SLC25A33: variants seen among roughly 807,000 people sequenced by gnomAD.
SLC25A33 encodes the protein bone marrow stromal cell mitochondrial carrier protein.
In SLC25A33, 15 loss-of-function variants were observed where a neutral mutation model predicts 35.5. That is an observed-to-expected ratio of 0.42 (90% CI 0.28 to 0.65). The LOEUF (loss-of-function observed/expected upper bound fraction) is 0.65, where lower values mean the gene tolerates loss of function less well. Ranked by LOEUF, SLC25A33 falls within the 30% of genes least tolerant of loss-of-function variation. The pLI is 0.20. For missense variants in SLC25A33, 257 were observed against 398.5 expected (o/e 0.64, Z 3.02); for synonymous variants, 136 against 148.7 (o/e 0.91, Z 0.62).
intron 2 of SLC25A33, among the ~76,000 whole-genome samples, chr1:9,558,141 C>T (rs1295497520): frequency 2.0e-5 from 3 of 152,162 alleles, no homozygotes; most frequent in African/African-American, 7.2e-5. Flanking sequence ...AAGTCATGTT[C>T]AATGTATATC....
At chr1:9,571,108 A>G (rs1054039573) in intron 4 of SLC25A33, among the ~76,000 whole-genome samples, 1 of 152,068 alleles carries the variant, frequency 6.6e-6, no homozygotes, top group African/African-American at 2.4e-5. Context: ...GTCCCCAACT[A>G]TGGGTTATGC....
chr1:9,547,562 G>C (rs376957462), intron 1 of SLC25A33, among the ~76,000 whole-genome samples: 2 of 152,118 alleles, frequency 1.3e-5, no homozygotes, highest in Non-Finnish European at 2.9e-5. Flanking sequence ...TTCAAATAGT[G>C]CCCATTTTAT....
intron 4 of SLC25A33, among the ~76,000 whole-genome samples, chr1:9,570,702 G>GTTTTTTTTTTTTTTTTTTTTTTTTTT: frequency 1.0e-5 from 1 of 100,064 alleles, no homozygotes; most frequent in Non-Finnish European, 1.9e-5. Flanking sequence ...GATAGATATA[G>GTTTTTTTTTTTTTTTTTTTTTTTTTT]TTTTTTTTTT....
At chr1:9,542,386 T>C (rs1212031313) in intron 1 of SLC25A33, among the ~76,000 whole-genome samples, 4 of 152,218 alleles carry the variant, frequency 2.6e-5, no homozygotes, top group Non-Finnish European at 5.9e-5. Flanking sequence ...TTTCCGTTCC[T>C]GTCTTGGCAG....
intron 2 of SLC25A33, among the ~76,000 whole-genome samples, chr1:9,557,994 C>T (rs1356093672): frequency 6.6e-6 from 1 of 152,182 alleles, no homozygotes; most frequent in African/African-American, 2.4e-5. Context: ...TAGGTGTATA[C>T]ACTTACGAAG....
intron 1 of SLC25A33, among the ~76,000 whole-genome samples, chr1:9,540,289 G>A (rs1362445211): frequency 6.6e-6 from 1 of 152,186 alleles, no homozygotes; most frequent in Non-Finnish European, 1.5e-5. Context: ...GGCCACACGC[G>A]GGGTGGCTAA....
intron 1 of SLC25A33, among the ~76,000 whole-genome samples, chr1:9,553,019 G>A (rs1643287724): frequency 6.8e-6 from 1 of 146,928 alleles, no homozygotes; most frequent in African/African-American, 2.5e-5. Flanking sequence ...AGCCTCCTGA[G>A]TAGCTGGGAT....
At position 9,582,752 on chromosome 1, in the gene SLC25A33, C is replaced by A; in HGVS notation, c.*251C>A. On this transcript the variant is annotated 3_prime_UTR_variant, in exon 7 of 7. Coordinates refer to ENST00000302692, the MANE Select transcript of SLC25A33 (RefSeq NM_032315.3). This position sits in a 1 kb window ranked among gnomAD's most constrained non-coding sequence, Gnocchi z 4.0. Reference sequence around the variant, plus strand: ...GGGTTAAGCACCAACTAAATTAAATCATGCTATTTAATTTAAGTATACATT... The same window carrying A: ...GGGTTAAGCACCAACTAAATTAAATAATGCTATTTAATTTAAGTATACATT... 2.1e-6 allele frequency: 1 copy of A among 467,922 alleles called. No homozygotes were observed. The allele number at this position is 467,922 out of a possible 1,614,324, so 29.0% of individuals were successfully genotyped here.
At position 9,580,169 on chromosome 1, in the gene SLC25A33, T is replaced by G; in HGVS notation, c.698T>G (p.Phe233Cys). 1.5e-5 allele frequency: 24 copies of G among 1,609,662 alleles called. No homozygotes were observed. Among genetic ancestry groups the G allele is most frequent in the Non-Finnish European group, 2.0e-5 (23 of 1,178,396 alleles). Reference protein sequence around the residue: ...ANGTEKNSTSFFGLMAAAALS... With the variant: ...ANGTEKNSTSCFGLMAAAALS... The stretch of plus-strand genomic sequence containing the variant: ...GGGACTGAGAAAAATTCCACAAGTT[T>G]TTTTGGACTTATGGCAGCTGCTGCT... The change falls in exon 6 of 7, where the codon TTT becomes TGT. Residue 233 changes from phenylalanine (F) to cysteine (C), a missense_variant. Coordinates refer to ENST00000302692, the MANE Select transcript of SLC25A33 (RefSeq NM_032315.3).
Position 9,584,924 on chromosome 1 carries a change from C to A in SLC25A33, c.*2423C>A, listed in dbSNP as rs1037519712. On this transcript the variant is annotated 3_prime_UTR_variant, in exon 7 of 7. Coordinates refer to ENST00000302692, the MANE Select transcript of SLC25A33 (RefSeq NM_032315.3). ...TGCAGACGAGGTTTTGCTATGTTGT[C>A]CAGGCTGGTCTCAGACTACTGGCCA... 1 of 152,166 alleles carries A rather than the reference C, an allele frequency of 6.6e-6. No individual in the cohort carries two copies. The highest frequency in any genetic ancestry group is 2.4e-5 in the African/African-American group (1 of 41,430). 9.4% of individuals were successfully genotyped at this position (152,166 alleles called of 1,614,324 possible). A position where few individuals can be genotyped will look rare whatever the true frequency, so the allele number is the denominator to read the frequency against.
Position 9,549,361 on chromosome 1 carries a change from G to A in SLC25A33, c.57-4265G>A, listed in dbSNP as rs191756646. Among the ~76,000 whole-genome samples the A allele has an allele frequency of 2.3e-3, 326 of 139,098 alleles. 2 individuals are homozygous for A. Among genetic ancestry groups the A allele is most frequent in the African/African-American group, 7.8e-3 (293 of 37,536 alleles). 91.3% of individuals were successfully genotyped at this position (139,098 alleles called of 152,430 possible). A position where few individuals can be genotyped will look rare whatever the true frequency, so the allele number is the denominator to read the frequency against. On this transcript the variant is annotated intron_variant, in intron 1 of 6. Coordinates refer to ENST00000302692, the MANE Select transcript of SLC25A33 (RefSeq NM_032315.3). Reference sequence around the variant, plus strand: ...GATGAACTGTTGGTGGGATCAATGGGGGGGATGAACTGATGGTGGGATCAA... The same window carrying A: ...GATGAACTGTTGGTGGGATCAATGGAGGGGATGAACTGATGGTGGGATCAA...
intron 1 of SLC25A33, among the ~76,000 whole-genome samples, chr1:9,546,630 T>C (rs1426805863): frequency 6.6e-6 from 1 of 152,376 alleles, no homozygotes; most frequent in Admixed American, 6.5e-5. Flanking sequence ...AGATTATTTA[T>C]GTTAGTAAAA....
chr1:9,541,140 C>G (rs181387590), intron 1 of SLC25A33, among the ~76,000 whole-genome samples: 2 of 151,796 alleles, frequency 1.3e-5, no homozygotes, highest in African/African-American at 4.8e-5. Flanking sequence ...GCCACCAAGC[C>G]TGGCTAATTT....
chr1:9,539,501 G>A lies in SLC25A33; in HGVS notation c.-191G>A. The A allele has an allele frequency of 4.3e-6, 1 of 233,726 alleles. No homozygotes were observed. Among genetic ancestry groups the A allele is most frequent in the Non-Finnish European group, 7.8e-6 (1 of 127,890 alleles). 14.5% of individuals were successfully genotyped at this position (233,726 alleles called of 1,614,324 possible). ...GGGCTCGCGCCGCAGAGGCCGGTGA[G>A]GCGCCGGCGGCCACGCCGCGGAAGG... On this transcript the variant is annotated 5_prime_UTR_variant, in exon 1 of 7. Transcript: ENST00000302692.
chr1:9,565,632 AC>A (rs894649964), intron 2 of SLC25A33, among the ~76,000 whole-genome samples: 24 of 152,298 alleles, frequency 1.6e-4, no homozygotes, highest in East Asian at 9.7e-4. Context: ...TAATCCCAGC[AC>A]TTTGGGAGGC....
chr1:9,564,739 A>ATATATATATATAT (rs1211262069), intron 2 of SLC25A33, among the ~76,000 whole-genome samples: 7 of 96,536 alleles, frequency 7.3e-5, no homozygotes, highest in African/African-American at 1.8e-4. Flanking sequence ...AAAAAAAAAA[A>ATATATATATATAT]ATATATATAT....
intron 4 of SLC25A33, among the ~76,000 whole-genome samples, chr1:9,572,938 A>C (rs944503276): frequency 7.9e-5 from 12 of 152,100 alleles, no homozygotes; most frequent in African/African-American, 2.9e-4. Context: ...AGAGATGGAG[A>C]AGGCATACTC....
In SLC25A33 at chr1:9,540,062, A is replaced by G. The variant is rs1414846544; in HGVS notation, c.56+315A>G. ...GGTGAGTGGTGCTCGGCGGCGGTCC[A>G]GCCTGGACGCTGTGGCGCGGCCCCC... On this transcript the variant is annotated intron_variant, in intron 1 of 6. Coordinates refer to ENST00000302692, the MANE Select transcript of SLC25A33 (RefSeq NM_032315.3). 2.0e-5 allele frequency among the ~76,000 whole-genome samples: 3 copies of G among 151,926 alleles called. No individual in the cohort carries two copies. The South Asian group carries it at 6.2e-4, about 32-fold the overall frequency.
chr1:9,548,225 A>C (rs1340197093), intron 1 of SLC25A33, among the ~76,000 whole-genome samples: 2 of 152,206 alleles, frequency 1.3e-5, no homozygotes, highest in Non-Finnish European at 2.9e-5. Flanking sequence ...GTTTGTGCAT[A>C]TCTTATGTAT....
Sources: gnomAD v4.1 joint callset for allele counts (sites outside exome capture counted in the v4.1 genomes callset) on GRCh38, gnomAD v4.1.1 for gene constraint, Gnocchi (gnomAD v3.1) non-coding constraint, MANE v1.5 for transcripts, NCBI Gene and HGNC (gene_info 2026-07-23, HGNC 2026-07-21) for gene names.